CSMD1: variants seen among roughly 807,000 people sequenced by gnomAD.
CSMD1 encodes the protein CUB and Sushi multiple domains 1.
Under a neutral mutation model 417.5 loss-of-function variants are expected in CSMD1, and 213 were observed. That is an observed-to-expected ratio of 0.51 (90% CI 0.46 to 0.57). CSMD1 has a LOEUF of 0.57. Among genes scored for constraint, CSMD1 ranks in the 20% least tolerant of loss-of-function variants. CSMD1 has a pLI of 0.00. For synonymous variants in CSMD1, 2,862 were observed against 1,736.8 expected (o/e 1.65, Z -16.11); for missense variants, 6,923 against 4,529.7 (o/e 1.53, Z -15.17).
At chr8:3,946,774 C>T (rs1042046882) in intron 5 of CSMD1, among the ~76,000 whole-genome samples, 2 of 152,076 alleles carry the variant, frequency 1.3e-5, no homozygotes, top group Non-Finnish European at 2.9e-5. Flanking sequence ...AGCATGCAGT[C>T]TTGCATGTAT....
intron 26 of CSMD1, among the ~76,000 whole-genome samples, chr8:3,237,598 T>C (rs917631647): frequency 1.0e-4 from 15 of 145,364 alleles, no homozygotes; most frequent in African/African-American, 3.7e-4. Context: ...ACTATAAATA[T>C]AATTTTATAC....
intron 49 of CSMD1, among the ~76,000 whole-genome samples, chr8:3,062,191 A>C (rs146084616): frequency 0.011 from 1,733 of 152,198 alleles, 38 homozygotes; most frequent in African/African-American, 0.039. Context: ...TTGATTTCCA[A>C]AATATTTTCT....
At chr8:3,724,815 A>T (rs894005650) in intron 6 of CSMD1, among the ~76,000 whole-genome samples, 22 of 152,354 alleles carry the variant, frequency 1.4e-4, no homozygotes, top group Admixed American at 3.9e-4. Context: ...CAGAAACTGT[A>T]GGTATTTTCT....
chr8:3,396,185 G>A lies in CSMD1; in HGVS notation c.2593+9C>T, dbSNP rs368623919. 6.1e-5 allele frequency: 95 copies of A among 1,554,652 alleles called. No homozygotes were observed. The highest frequency in any genetic ancestry group is 7.7e-5 in the Non-Finnish European group (88 of 1,149,172). On this transcript the variant is annotated intron_variant, in intron 17 of 69. Transcript: ENST00000635120. The stretch of plus-strand genomic sequence containing the variant: ...CCCTGCCGGGCTGTCAAGGGAAGGT[G>A]CAACTCACTCTCATAGTGGATGAGG...
At chr8:3,632,683 A>G (rs940537127) in intron 7 of CSMD1, among the ~76,000 whole-genome samples, 2 of 152,218 alleles carry the variant, frequency 1.3e-5, no homozygotes, top group Non-Finnish European at 2.9e-5. Context: ...TGATTCATCC[A>G]TCAGTACTAT....
intron 5 of CSMD1, among the ~76,000 whole-genome samples, chr8:3,974,674 CT>C (rs35314971): frequency 0.34 from 50,086 of 147,444 alleles, 9,079 homozygotes; most frequent in African/African-American, 0.48. Flanking sequence ...GCGTGCAGCT[CT>C]TTTTTTTTTT....
intron 1 of CSMD1, among the ~76,000 whole-genome samples, chr8:4,705,384 T>G (rs973955549): frequency 1.3e-5 from 2 of 152,204 alleles, no homozygotes; most frequent in African/African-American, 4.8e-5. Flanking sequence ...ACCCAGCGTC[T>G]ATCAAGAACA....
chr8:3,403,126 C>G (rs571297988), intron 15 of CSMD1, among the ~76,000 whole-genome samples: 2 of 152,054 alleles, frequency 1.3e-5, no homozygotes, highest in African/African-American at 4.8e-5. Flanking sequence ...GGCATGAGAC[C>G]TATAACTTAT....
chr8:3,443,359 CA>C (rs1815110552), intron 12 of CSMD1, among the ~76,000 whole-genome samples: 1 of 152,026 alleles, frequency 6.6e-6, no homozygotes, highest in Non-Finnish European at 1.5e-5. Flanking sequence ...AGAAAGAGAG[CA>C]AGCTACTATA....
intron 3 of CSMD1, among the ~76,000 whole-genome samples, chr8:4,163,699 A>T (rs181042488): frequency 1.2e-4 from 18 of 152,246 alleles, no homozygotes; most frequent in East Asian, 3.9e-4. Flanking sequence ...AAATAATAAA[A>T]TTTTTTTATG....
At chr8:3,632,504 G>A (rs1584991123) in intron 7 of CSMD1, among the ~76,000 whole-genome samples, 1 of 152,192 alleles carries the variant, frequency 6.6e-6, no homozygotes, top group South Asian at 2.1e-4. Context: ...ACCTTAGATT[G>A]TGATGGGCGT....
chr8:4,021,804 T>C (rs1796802034), intron 4 of CSMD1, among the ~76,000 whole-genome samples: 2 of 152,242 alleles, frequency 1.3e-5, no homozygotes, highest in South Asian at 2.1e-4. Flanking sequence ...GTGATAAAAC[T>C]AAATTAAAGA....
intron 5 of CSMD1, among the ~76,000 whole-genome samples, chr8:3,953,944 G>A (rs888180821): frequency 1.3e-5 from 2 of 152,202 alleles, no homozygotes; most frequent in African/African-American, 4.8e-5. Context: ...GTGGCTCTGG[G>A]TCTCGCCTTA....
rs1804434606 is a variant in CSMD1, at chr8:4,398,644, CTT to C, written c.415+21307_415+21308del. Among the ~76,000 whole-genome samples, 17 of 152,236 alleles carry C rather than the reference CTT, an allele frequency of 1.1e-4. No individual in the cohort carries two copies. In the South Asian group the frequency reaches 1.5e-3, roughly 13 times the overall value. On this transcript the variant is annotated intron_variant, in intron 3 of 69. Coordinates refer to ENST00000635120, the MANE Select transcript of CSMD1 (RefSeq NM_033225.6). ...TCTCCTGACCTCCTGATCTGCCCCTCTTGGCCTCCCAAAGTGCTGGGATTACA... is the reference window on the plus strand; with the variant it reads ...TCTCCTGACCTCCTGATCTGCCCCTCGGCCTCCCAAAGTGCTGGGATTACA...
intron 11 of CSMD1, among the ~76,000 whole-genome samples, chr8:3,481,329 G>A (rs576690732): frequency 6.6e-6 from 1 of 152,032 alleles, no homozygotes; most frequent in Non-Finnish European, 1.5e-5. Context: ...GGACTATTTT[G>A]CTTACCATGA....
At chr8:4,326,998 G>A (rs557593854) in intron 3 of CSMD1, among the ~76,000 whole-genome samples, 1 of 152,132 alleles carries the variant, frequency 6.6e-6, no homozygotes, top group Admixed American at 6.6e-5. Context: ...GAAGGAAAAC[G>A]AAAGAATTGG....
chr8:4,538,640 C>G (rs1051593703), intron 2 of CSMD1, among the ~76,000 whole-genome samples: 1 of 151,498 alleles, frequency 6.6e-6, no homozygotes, highest in Non-Finnish European at 1.5e-5. Flanking sequence ...AAGACTCCAT[C>G]TCAAAAAAAA....
At chr8:4,410,042 G>C (rs1796564246) in intron 3 of CSMD1, among the ~76,000 whole-genome samples, 1 of 152,044 alleles carries the variant, frequency 6.6e-6, no homozygotes, top group Admixed American at 6.6e-5. Flanking sequence ...TCAAACTCTT[G>C]ACCTTGTGAT....
chr8:4,801,156 A>G (rs777015797), intron 1 of CSMD1, among the ~76,000 whole-genome samples: 8 of 152,224 alleles, frequency 5.3e-5, no homozygotes, highest in Non-Finnish European at 1.0e-4. Context: ...ACCTTAAATC[A>G]ATGTCTTACT....
Sources: gnomAD v4.1 joint callset for allele counts (sites outside exome capture counted in the v4.1 genomes callset) on GRCh38, gnomAD v4.1.1 for gene constraint, MANE v1.5 for transcripts, NCBI Gene and HGNC (gene_info 2026-07-23, HGNC 2026-07-21) for gene names.